ROBO2: variants seen among roughly 807,000 people sequenced by gnomAD.
ROBO2 encodes roundabout homolog 2.
Under a neutral mutation model 160.8 loss-of-function variants are expected in ROBO2, and 53 were observed. The ratio of observed to expected loss-of-function variants is 0.33; its 90% CI spans 0.26 to 0.41. The LOEUF (loss-of-function observed/expected upper bound fraction) is 0.41. ROBO2 is among the 10% of genes least tolerant of loss of function. ROBO2 has a pLI of 1.00. For missense variants in ROBO2, 1,577 were observed against 1,722.4 expected (o/e 0.92, Z 1.49); for synonymous variants, 664 against 611.7 (o/e 1.09, Z -1.26).
chr3:77,048,340 C>G (rs1458741736), intron 1 of ROBO2, among the ~76,000 whole-genome samples: 2 of 152,146 alleles, frequency 1.3e-5, no homozygotes, highest in African/African-American at 4.8e-5. Context: ...ACAGCTGTGA[C>G]AGTTGTGCTA....
At chr3:76,023,708 A>C (rs186161085) in intron 2 of ROBO2, among the ~76,000 whole-genome samples, 24 of 151,808 alleles carry the variant, frequency 1.6e-4, no homozygotes, top group African/African-American at 5.8e-4. Flanking sequence ...AATGACAATG[A>C]AAAAATCTGA....
intron 2 of ROBO2, among the ~76,000 whole-genome samples, chr3:76,363,814 T>A (rs1198440461): frequency 1.3e-5 from 2 of 152,050 alleles, no homozygotes; most frequent in African/African-American, 2.4e-5. Flanking sequence ...TTTTAAATGT[T>A]TTATTTCTTA....
intron 2 of ROBO2, among the ~76,000 whole-genome samples, chr3:76,892,390 A>G (rs1325801319): frequency 6.6e-6 from 1 of 152,184 alleles, no homozygotes; most frequent in African/African-American, 2.4e-5. Flanking sequence ...TACTTAGCCC[A>G]TAGCCATTAC....
At chr3:77,379,009 G>A (rs972073967) in intron 2 of ROBO2, among the ~76,000 whole-genome samples, 8 of 151,556 alleles carry the variant, frequency 5.3e-5, no homozygotes, top group East Asian at 2.0e-4. Flanking sequence ...GTGCAATGGC[G>A]TGATCTCGGC....
At chr3:75,967,403 A>G (rs769172605) in intron 2 of ROBO2, among the ~76,000 whole-genome samples, 8 of 151,654 alleles carry the variant, frequency 5.3e-5, no homozygotes, top group Non-Finnish European at 8.9e-5. Flanking sequence ...TCAACTTTCT[A>G]TAACTGGAGA....
intron 19 of ROBO2, among the ~76,000 whole-genome samples, chr3:77,600,548 C>T (rs1464604090): frequency 2.0e-5 from 3 of 152,126 alleles, no homozygotes; most frequent in African/African-American, 7.2e-5. Context: ...ATCGAAGTGG[C>T]TTGCAATCCA....
chr3:76,178,927 G>C (rs529622460), intron 2 of ROBO2, among the ~76,000 whole-genome samples: 1 of 152,136 alleles, frequency 6.6e-6, no homozygotes, highest in South Asian at 2.1e-4. Flanking sequence ...GGAAACAAGA[G>C]CGAAACTCCA....
At chr3:77,253,292 GAAGCC>G (rs2090583916) in intron 2 of ROBO2, among the ~76,000 whole-genome samples, 1 of 152,122 alleles carries the variant, frequency 6.6e-6, no homozygotes, top group African/African-American at 2.4e-5. Flanking sequence ...AAAGTTCAAG[GAAGCC>G]AAGCAAGCAT....
intron 1 of ROBO2, among the ~76,000 whole-genome samples, chr3:77,078,874 G>A (rs2068307394): frequency 6.6e-6 from 1 of 152,082 alleles, no homozygotes; most frequent in Admixed American, 6.5e-5. Flanking sequence ...TCAGTGACCT[G>A]GCCACTTGTC....
chr3:75,916,492 G>T (rs1480444970), intron 1 of ROBO2, among the ~76,000 whole-genome samples: 1 of 152,082 alleles, frequency 6.6e-6, no homozygotes, highest in African/African-American at 2.4e-5. Flanking sequence ...ATACTATATT[G>T]CTTTTATTGA....
At chr3:76,002,809 C>T (rs1391486151) in intron 2 of ROBO2, among the ~76,000 whole-genome samples, 1 of 152,084 alleles carries the variant, frequency 6.6e-6, no homozygotes, top group African/African-American at 2.4e-5. Context: ...ATAGCTTTTT[C>T]CTTGTGGCTC....
At chr3:76,357,893 A>AATATATAT (rs546122297) in intron 2 of ROBO2, among the ~76,000 whole-genome samples, 1 of 148,334 alleles carries the variant, frequency 6.7e-6, no homozygotes, top group African/African-American at 2.5e-5. Flanking sequence ...TAAACTTTAA[A>AATATATAT]ATATATATAT....
chr3:77,590,730 A>G (rs1319829997), intron 17 of ROBO2, among the ~76,000 whole-genome samples: 1 of 152,114 alleles, frequency 6.6e-6, no homozygotes, highest in Non-Finnish European at 1.5e-5. Flanking sequence ...CTTATAAATA[A>G]AATATCTCTC....
At chr3:76,640,590 CGTGTG>C (rs2090617443) in intron 2 of ROBO2, among the ~76,000 whole-genome samples, 11 of 38,510 alleles carry the variant, frequency 2.9e-4, no homozygotes, top group Middle Eastern at 0.011. Context: ...TGCGTGTTTG[CGTGTG>C]AGTGTGTGTG....
At chr3:77,029,634 A>G (rs1242085923) in intron 2 of ROBO2, among the ~76,000 whole-genome samples, 1 of 152,184 alleles carries the variant, frequency 6.6e-6, no homozygotes, top group Non-Finnish European at 1.5e-5. Context: ...ACATTTTCAC[A>G]TAGAGACTAT....
chr3:77,296,613 C>G (rs9825628), intron 2 of ROBO2, among the ~76,000 whole-genome samples: 46,849 of 151,926 alleles, frequency 0.31, 8,694 homozygotes, highest in Middle Eastern at 0.46. Flanking sequence ...GACATTGAGA[C>G]CTTTAGAGTA....
intron 2 of ROBO2, among the ~76,000 whole-genome samples, chr3:76,413,824 C>T (rs572827009): frequency 1.1e-4 from 16 of 152,304 alleles, no homozygotes; most frequent in Middle Eastern, 3.4e-3. Flanking sequence ...GTTCCAAAGT[C>T]GCTTCCACAT....
chr3:77,048,397 G>A (rs1371407555), intron 1 of ROBO2, among the ~76,000 whole-genome samples: 2 of 152,126 alleles, frequency 1.3e-5, no homozygotes, highest in African/African-American at 4.8e-5. Flanking sequence ...CAAAACACAT[G>A]TGATTCCCAA....
chr3:76,345,966 T>C (rs2074505119), intron 2 of ROBO2, among the ~76,000 whole-genome samples: 1 of 152,064 alleles, frequency 6.6e-6, no homozygotes. Context: ...CTGATCTCGG[T>C]TTCTCTTTAA....
Sources: gnomAD v4.1 joint callset for allele counts (sites outside exome capture counted in the v4.1 genomes callset) on GRCh38, gnomAD v4.1.1 for gene constraint, MANE v1.5 for transcripts, NCBI Gene and HGNC (gene_info 2026-07-23, HGNC 2026-07-21) for gene names.